Variants in PTPRZ1 observed in about 807,000 individuals in gnomAD.
PTPRZ1 encodes receptor-type tyrosine-protein phosphatase zeta.
Under a neutral mutation model 214.1 loss-of-function variants are expected in PTPRZ1, and 82 were observed. The ratio of observed to expected loss-of-function variants is 0.38; its 90% CI spans 0.32 to 0.46. PTPRZ1 has a LOEUF of 0.46. Ranked by LOEUF, PTPRZ1 falls within the 20% of genes least tolerant of loss-of-function variation. The pLI, the probability that PTPRZ1 is intolerant of heterozygous loss-of-function variation, is 1.00. For synonymous variants in PTPRZ1, 945 were observed against 987.9 expected (o/e 0.96, Z 0.81); for missense variants, 2,603 against 2,748.7 (o/e 0.95, Z 1.19).
Position 121,897,957 on chromosome 7 carries a change from C to T in PTPRZ1, c.58+24400C>T, listed in dbSNP as rs183072891. On this transcript the variant is annotated intron_variant, in intron 1 of 29. Coordinates refer to ENST00000393386, the MANE Select transcript of PTPRZ1 (RefSeq NM_002851.3). ...AAACCTTATTATATCATAATGGATC[C>T]GTTAGATAATCTAGTTTAAATTAAA... Among the ~76,000 whole-genome samples, 28 of 152,112 alleles carry T rather than the reference C, an allele frequency of 1.8e-4. No homozygotes were observed. The East Asian group carries it at 2.9e-3, about 16-fold the overall frequency.
At chr7:121,879,439 A>G (rs1298995055) in intron 1 of PTPRZ1, among the ~76,000 whole-genome samples, 3 of 152,192 alleles carry the variant, frequency 2.0e-5, no homozygotes, top group Non-Finnish European at 4.4e-5. Flanking sequence ...GCCAAAAGCT[A>G]TCATATTGGT....
At chr7:121,889,279 G>T (rs566312006) in intron 1 of PTPRZ1, among the ~76,000 whole-genome samples, 3 of 152,174 alleles carry the variant, frequency 2.0e-5, no homozygotes, top group South Asian at 4.1e-4. Flanking sequence ...GGCTTCTGAA[G>T]TTTTTGATAA....
intron 1 of PTPRZ1, among the ~76,000 whole-genome samples, chr7:121,879,983 G>A (rs995045798): frequency 5.3e-5 from 8 of 152,218 alleles, no homozygotes; most frequent in Middle Eastern, 3.4e-3. Context: ...TTGATGAAAA[G>A]TTTGATAGGG....
intron 21 of PTPRZ1, 117 bp downstream of exon 21, chr7:122,041,096 AATT>A: frequency 1.1e-6 from 1 of 940,528 alleles, no homozygotes; most frequent in Non-Finnish European, 1.5e-6. Flanking sequence ...AGGGTGATGA[AATT>A]ATATGTTCAT....
Position 122,012,396 on chromosome 7 carries a change from A to G in PTPRZ1, c.3350A>G (p.Gln1117Arg). 1 of 1,614,002 alleles carries G rather than the reference A, an allele frequency of 6.2e-7. No individual in the cohort carries two copies. Among genetic ancestry groups the G allele is most frequent in the Non-Finnish European group, 8.5e-7 (1 of 1,179,882 alleles). ...AAGGTTTTTGATCATGAGATTAGTC[A>G]AGTTCCAGAAAATAACTTTTCAGTT... Reference protein sequence around the residue: ...TTKVFDHEISQVPENNFSVQP... With the variant: ...TTKVFDHEISRVPENNFSVQP... The change falls in exon 12 of 30, where the codon CAA becomes CGA. Residue 1117 changes from glutamine to arginine, a missense_variant. Transcript: ENST00000393386.
chr7:121,921,976 G>A (rs1795611460), intron 1 of PTPRZ1, among the ~76,000 whole-genome samples: 1 of 152,162 alleles, frequency 6.6e-6, no homozygotes, highest in Admixed American at 6.5e-5. Context: ...GATGGGTAAA[G>A]ATAGGCTGTA....
chr7:121,980,883 C>T (rs1797585554), intron 6 of PTPRZ1, among the ~76,000 whole-genome samples: 1 of 152,298 alleles, frequency 6.6e-6, no homozygotes, highest in Non-Finnish European at 1.5e-5. Context: ...TGTCTCACGC[C>T]TGTGATCCCA....
chr7:122,010,293 T>C, intron 11 of PTPRZ1, 41 bp from the exon 12 acceptor site: 1 of 1,537,454 alleles, frequency 6.5e-7, no homozygotes, highest in Non-Finnish European at 8.7e-7. Flanking sequence ...CTTTTTCTCT[T>C]ATTTCCTTAT....
chr7:122,008,710 T>C (rs566119001), intron 11 of PTPRZ1, among the ~76,000 whole-genome samples: 1 of 151,992 alleles, frequency 6.6e-6, no homozygotes, highest in Admixed American at 6.6e-5. Context: ...GAGTGTGGAG[T>C]GATACCAGAA....
At chr7:121,996,632 A>T (rs1798146920) in intron 9 of PTPRZ1, 66 bp downstream of exon 9, 1 of 1,246,772 alleles carries the variant, frequency 8.0e-7, no homozygotes, top group Non-Finnish European at 1.1e-6. Flanking sequence ...GTAAGAACTT[A>T]CAAATGGTTG....
chr7:121,988,711 C>T (rs1261851290), intron 8 of PTPRZ1, among the ~76,000 whole-genome samples: 1 of 152,172 alleles, frequency 6.6e-6, no homozygotes, highest in Non-Finnish European at 1.5e-5. Context: ...TGAATTAAAA[C>T]ATTGGCCAAA....
Position 122,038,849 on chromosome 7 carries a change from A to G in PTPRZ1, c.5462A>G (p.Glu1821Gly). The change falls in exon 19 of 30, where the codon GAA (glutamate) becomes GGA (glycine). Residue 1821 changes from glutamate to glycine, a missense_variant. By Grantham distance (98) the Glu-to-Gly change is moderately conservative. Transcript: ENST00000393386. ...AGAATGATATGGGAACATAATGTGG[A>G]AGTTATTGTCATGATAACAAACCTC... is the stretch of plus-strand genomic sequence containing the variant. ...FWRMIWEHNV[E>G]VIVMITNLVE... 6.2e-7 allele frequency: 1 copy of G among 1,613,966 alleles called. No individual in the cohort carries two copies. Among genetic ancestry groups the G allele is most frequent in the Non-Finnish European group, 8.5e-7 (1 of 1,179,882 alleles).
chr7:121,991,968 T>G (rs1053690955), intron 8 of PTPRZ1, among the ~76,000 whole-genome samples: 1 of 152,236 alleles, frequency 6.6e-6, no homozygotes. Context: ...GTCTTACTAC[T>G]TTTAAAAATG....
intron 29 of PTPRZ1, 139 bp downstream of exon 29, chr7:122,060,027 T>A: frequency 1.2e-6 from 1 of 834,730 alleles, no homozygotes. Context: ...GAATTACAAG[T>A]CCACAATCCA....
At chr7:121,947,721 A>G (rs1796427771) in intron 2 of PTPRZ1, among the ~76,000 whole-genome samples, 1 of 152,192 alleles carries the variant, frequency 6.6e-6, no homozygotes, top group East Asian at 1.9e-4. Context: ...TTTGCTTTGT[A>G]GCTCTTTACC....
intron 1 of PTPRZ1, among the ~76,000 whole-genome samples, chr7:121,902,676 T>G (rs1795002050): frequency 1.3e-5 from 2 of 152,178 alleles, no homozygotes; most frequent in South Asian, 4.1e-4. Context: ...GAGAAATATC[T>G]ATTCAGATCT....
At position 122,061,257 on chromosome 7, in the gene PTPRZ1, G is replaced by A. The variant is rs1177673400; in HGVS notation, c.*37G>A. On this transcript the variant is annotated 3_prime_UTR_variant, in exon 30 of 30. Coordinates refer to ENST00000393386, the MANE Select transcript of PTPRZ1 (RefSeq NM_002851.3). ...GTGGGGGAACTCACATCTGAGCATT[G>A]TTTTCCTCTTCCTAAAATTAGGCAG... is the stretch of plus-strand genomic sequence containing the variant. 1.3e-6 allele frequency: 2 copies of A among 1,487,086 alleles called. No individual in the cohort carries two copies. The highest frequency in any genetic ancestry group is 1.8e-4 in the Middle Eastern group (1 of 5,592). The allele number at this position is 1,487,086 out of a possible 1,614,324, so 92.1% of individuals were successfully genotyped here. A position where few individuals can be genotyped will look rare whatever the true frequency, so the allele number is the denominator to read the frequency against.
At chr7:122,009,873 A>G (rs1037853588) in intron 11 of PTPRZ1, among the ~76,000 whole-genome samples, 13 of 152,172 alleles carry the variant, frequency 8.5e-5, no homozygotes, top group Admixed American at 7.9e-4. Context: ...TTTGCTCTAA[A>G]TAGATATAAT....
chr7:122,024,567 T>C (rs1316698721), intron 13 of PTPRZ1, among the ~76,000 whole-genome samples: 1 of 152,132 alleles, frequency 6.6e-6, no homozygotes. Flanking sequence ...GCAAATGACC[T>C]TCATCCATAA....
Sources: gnomAD v4.1 joint callset for allele counts (sites outside exome capture counted in the v4.1 genomes callset) on GRCh38, gnomAD v4.1.1 for gene constraint, MANE v1.5 for transcripts, NCBI Gene and HGNC (gene_info 2026-07-23, HGNC 2026-07-21) for gene names.